Variants in RASSF6 observed in about 807,000 individuals in gnomAD.
RASSF6 encodes ras association domain-containing protein 6.
In RASSF6, 52 loss-of-function variants were observed where a neutral mutation model predicts 44.0. The observed-to-expected ratio is 1.18, with a 90% CI of 0.95 to 1.49. The LOEUF is 1.49. RASSF6 is among the 40% of genes most tolerant of loss of function. RASSF6 has a pLI of 0.00. For missense variants in RASSF6, 464 were observed against 393.3 expected, an observed-to-expected ratio of 1.18 and a Z score of -1.52; for synonymous variants, 162 against 124.6, an observed-to-expected ratio of 1.30 and a Z score of -2.00.
chr4:73,582,834 C>T (rs936599011), intron 6 of RASSF6, among the ~76,000 whole-genome samples: 4 of 139,350 alleles, frequency 2.9e-5, no homozygotes, highest in Non-Finnish European at 6.3e-5. Context: ...AACACCCACA[C>T]ATGTAACACG....
At chr4:73,617,873 C>T (rs1726459114) in intron 1 of RASSF6, among the ~76,000 whole-genome samples, 1 of 152,130 alleles carries the variant, frequency 6.6e-6, no homozygotes, top group Non-Finnish European at 1.5e-5. Context: ...ATGGCCTATA[C>T]TTGAATATTT....
intron 8 of RASSF6, among the ~76,000 whole-genome samples, chr4:73,581,014 G>C (rs944785456): frequency 6.6e-6 from 1 of 151,658 alleles, no homozygotes; most frequent in African/African-American, 2.4e-5. Flanking sequence ...TAGGTCTAAC[G>C]TTTAAGTCTT....
Position 73,575,989 on chromosome 4 carries a change from T to A in RASSF6, c.*246A>T, listed in dbSNP as rs188590741. ...TCATTACATGGTTTACTATAAAAGC[T>A]ATTTGGCATATGCAGTATTCAAGCT... On this transcript the variant is annotated 3_prime_UTR_variant, in exon 11 of 11. Coordinates refer to ENST00000307439, the MANE Select transcript of RASSF6 (RefSeq NM_177532.5). The A allele has an allele frequency of 4.2e-3, 1,362 of 324,956 alleles. 16 individuals are homozygous for A. The highest frequency in any genetic ancestry group is 0.026 in the African/African-American group (1,227 of 46,842). 20.1% of individuals were successfully genotyped at this position (324,956 alleles called of 1,614,324 possible).
At chr4:73,581,935 G>T in intron 7 of RASSF6, 67 bp from the exon 8 acceptor site, 1 of 1,194,922 alleles carries the variant, frequency 8.4e-7, no homozygotes, top group South Asian at 1.4e-5. Flanking sequence ...AACCTGACCA[G>T]ACCCAAATCA....
Position 73,572,224 on chromosome 4 carries a change from T to A in RASSF6, c.*4011A>T, listed in dbSNP as rs1055921084. ...GATAGAAGGTCTCAGTTCTTCATCA[T>A]GTAGGTCTTTCCAGGGCTGCTCAGG... On this transcript the variant is annotated 3_prime_UTR_variant, in exon 11 of 11. Coordinates refer to ENST00000307439, the MANE Select transcript of RASSF6 (RefSeq NM_177532.5). 3.3e-5 allele frequency: 5 copies of A among 152,172 alleles called. No individual in the cohort carries two copies. Among genetic ancestry groups the A allele is most frequent in the African/African-American group, 1.2e-4 (5 of 41,400 alleles). The allele number at this position is 152,172 out of a possible 1,614,324, so 9.4% of individuals were successfully genotyped here.
chr4:73,602,087 T>C (rs755695348), intron 2 of RASSF6, among the ~76,000 whole-genome samples: 1 of 152,204 alleles, frequency 6.6e-6, no homozygotes. Flanking sequence ...TAGCTATTTC[T>C]ATAGTTCACA....
At chr4:73,617,891 C>A (rs77760385) in intron 1 of RASSF6, among the ~76,000 whole-genome samples, 2,189 of 152,240 alleles carry the variant, frequency 0.014, 31 homozygotes, top group Middle Eastern at 0.037. Flanking sequence ...TTTTAAAAAT[C>A]TAAGCTTTTA....
chr4:73,605,178 C>T (rs1725539650), intron 2 of RASSF6, among the ~76,000 whole-genome samples: 1 of 152,016 alleles, frequency 6.6e-6, no homozygotes, highest in Non-Finnish European at 1.5e-5. Context: ...GTGTGAGCCA[C>T]CATGCCCGGC....
chr4:73,606,070 AC>A (rs952879582), intron 2 of RASSF6, among the ~76,000 whole-genome samples: 1 of 152,206 alleles, frequency 6.6e-6, no homozygotes, highest in Non-Finnish European at 1.5e-5. Flanking sequence ...CTGGATATAG[AC>A]CCAAAGGAAA....
chr4:73,610,570 C>G (rs890486859), intron 2 of RASSF6, among the ~76,000 whole-genome samples: 5 of 152,186 alleles, frequency 3.3e-5, no homozygotes, highest in African/African-American at 4.8e-5. Flanking sequence ...TCTCCCTGAC[C>G]CTTACAAATA....
intron 6 of RASSF6, among the ~76,000 whole-genome samples, chr4:73,584,762 C>T (rs1420801998): frequency 6.6e-6 from 1 of 152,218 alleles, no homozygotes; most frequent in Admixed American, 6.5e-5. Context: ...ACATCGGCTG[C>T]CTCATCTGCA....
chr4:73,603,632 A>G (rs967771973), intron 2 of RASSF6, among the ~76,000 whole-genome samples: 9 of 152,202 alleles, frequency 5.9e-5, no homozygotes, highest in Admixed American at 3.9e-4. Flanking sequence ...TGCTCAGCCT[A>G]TGGGAATTAC....
rs1482450908 is a variant in RASSF6 at position 73,583,020 on chromosome 4, G to A, written c.568-730C>T. ...CTGTGACATTTACGATTTCTATGGA[G>A]CCCTGAAAAACCACATGTTCATCCT... On this transcript the variant is annotated intron_variant, in intron 6 of 10. Transcript: ENST00000307439. Among the ~76,000 whole-genome samples the A allele has an allele frequency of 6.6e-5, 10 of 152,022 alleles. No homozygotes were observed. In the East Asian group the frequency reaches 1.3e-3, roughly 21 times the overall value.
Position 73,587,921 on chromosome 4 carries a change from C to T in RASSF6, c.301G>A (p.Gly101Arg), listed in dbSNP as rs753044161. 6.2e-7 allele frequency: 1 copy of T among 1,605,812 alleles called. No homozygotes were observed. The highest frequency in any genetic ancestry group is 1.3e-5 in the African/African-American group (1 of 74,680). Residue 101 changes from glycine (G) to arginine (R), a missense_variant, in exon 5 of 11, where the codon GGG becomes AGG. Transcript: ENST00000307439. ...VFSSKGMTRW[G>R]EFDDLYRISE... ...ATACGATAGAGATCGTCAAATTCCC[C>T]CCAGCGTGTCATTCTGAGAAGTAAT...
intron 1 of RASSF6, among the ~76,000 whole-genome samples, chr4:73,616,905 T>C (rs1250075906): frequency 2.0e-5 from 3 of 152,244 alleles, no homozygotes; most frequent in African/African-American, 7.2e-5. Context: ...AGCAGAGTTA[T>C]ATGCAATTAC....
chr4:73,579,376 G>A lies in RASSF6; in HGVS notation c.721+2441C>T, dbSNP rs115571181. On this transcript the variant is annotated intron_variant, in intron 8 of 10. Coordinates refer to ENST00000307439, the MANE Select transcript of RASSF6 (RefSeq NM_177532.5). ...ATATTGCAAGAATAAATTCCAATAA[G>A]AAGAAAGTCATATTTTCACTAGTGT... is the stretch of plus-strand genomic sequence containing the variant. Among the ~76,000 whole-genome samples, 602 of 152,218 alleles carry A rather than the reference G, an allele frequency of 4.0e-3. 4 individuals carry two copies. The highest frequency in any genetic ancestry group is 0.014 in the African/African-American group (580 of 41,542).
chr4:73,608,432 CCTT>C (rs1725798918), intron 2 of RASSF6, among the ~76,000 whole-genome samples: 1 of 152,030 alleles, frequency 6.6e-6, no homozygotes, highest in African/African-American at 2.4e-5. Flanking sequence ...TAATAAATGT[CCTT>C]CTTTCACATA....
chr4:73,578,677 C>G (rs1247779538), intron 8 of RASSF6, among the ~76,000 whole-genome samples: 2 of 149,592 alleles, frequency 1.3e-5, no homozygotes, highest in East Asian at 3.9e-4. Context: ...GGCACGATCT[C>G]AGCTCACTGC....
At chr4:73,588,040 G>T in intron 4 of RASSF6, 106 bp from the exon 5 acceptor site, 1 of 622,076 alleles carries the variant, frequency 1.6e-6, no homozygotes, top group Non-Finnish European at 2.8e-6. Context: ...GGCCTCTGTA[G>T]GTGGATATAT....
Sources: gnomAD v4.1 joint callset for allele counts (sites outside exome capture counted in the v4.1 genomes callset) on GRCh38, gnomAD v4.1.1 for gene constraint, MANE v1.5 for transcripts, NCBI Gene and HGNC (gene_info 2026-07-23, HGNC 2026-07-21) for gene names.